BCAR3: variants seen among roughly 807,000 people sequenced by gnomAD.
BCAR3 encodes the protein BCAR3 adaptor protein, NSP family member, also known as breast cancer anti-estrogen resistance protein 3.
A neutral mutation model predicts 80.1 loss-of-function variants in BCAR3; 37 were observed. The ratio of observed to expected loss-of-function variants is 0.46; its 90% CI spans 0.36 to 0.61. The LOEUF is 0.61. Among genes scored for constraint, BCAR3 ranks in the 20% least tolerant of loss-of-function variants. The pLI is 0.00. For synonymous variants in BCAR3, 389 were observed against 418.9 expected (o/e 0.93, Z 0.87); for missense variants, 978 against 1,068.2 (o/e 0.92, Z 1.18).
intron 3 of BCAR3, among the ~76,000 whole-genome samples, chr1:93,640,690 G>C (rs1047589138): frequency 6.6e-6 from 1 of 152,228 alleles, no homozygotes; most frequent in Non-Finnish European, 1.5e-5. Context: ...ATTCATAAAT[G>C]AGATGCAATA....
intron 2 of BCAR3, among the ~76,000 whole-genome samples, chr1:93,749,779 A>G (rs562807838): frequency 1.3e-5 from 2 of 152,142 alleles, no homozygotes; most frequent in South Asian, 4.2e-4. Flanking sequence ...GAACACAAGT[A>G]TTACGTAAAG....
chr1:93,708,308 C>T (rs555486657), intron 2 of BCAR3, among the ~76,000 whole-genome samples: 4 of 152,312 alleles, frequency 2.6e-5, no homozygotes, highest in East Asian at 3.9e-4. Context: ...ACCTTGCCTC[C>T]GGCCTCTGGC....
intron 2 of BCAR3, among the ~76,000 whole-genome samples, chr1:93,797,742 T>C (rs1255026200): frequency 1.3e-5 from 2 of 152,170 alleles, no homozygotes; most frequent in African/African-American, 2.4e-5. Flanking sequence ...GGCCAGATTA[T>C]ACAAATTAAG....
intron 2 of BCAR3, among the ~76,000 whole-genome samples, chr1:93,660,357 T>G (rs1232846525): frequency 1.3e-5 from 2 of 152,146 alleles, no homozygotes; most frequent in Non-Finnish European, 2.9e-5. Context: ...AGTGATACTG[T>G]GAGAGGCTGG....
upstream of BCAR3, chr1:93,847,564 C>T (rs186401280): frequency 2.6e-5 from 4 of 152,530 alleles, no homozygotes; most frequent in East Asian, 1.9e-4. Flanking sequence ...CGCTGAGACT[C>T]CAACAGGTGG....
intron 3 of BCAR3, among the ~76,000 whole-genome samples, chr1:93,688,204 AG>A (rs1649041301): frequency 6.6e-6 from 1 of 152,212 alleles, no homozygotes. Context: ...TCATTGTCTG[AG>A]GACTATGGCT....
At chr1:93,661,547 G>A (rs1203421334) in intron 2 of BCAR3, among the ~76,000 whole-genome samples, 1 of 151,294 alleles carries the variant, frequency 6.6e-6, no homozygotes, top group Non-Finnish European at 1.5e-5. Flanking sequence ...GATTACAATG[G>A]TGCAATCTCC....
rs924960111 is a variant in BCAR3 at position 93,586,410 on chromosome 1, T to C, written c.930-2289A>G. Among the ~76,000 whole-genome samples the C allele has an allele frequency of 1.3e-5, 2 of 152,248 alleles. No individual in the cohort carries two copies. Among genetic ancestry groups the C allele is most frequent in the Admixed American group, 6.5e-5 (1 of 15,286 alleles). ...CATTGTTTTTATGGCTGAATAGTAC[T>C]CCACTGTGTATATACACATTTCCCT... On this transcript the variant is annotated intron_variant, in intron 5 of 11. Coordinates refer to ENST00000260502, the MANE Select transcript of BCAR3 (RefSeq NM_003567.4). The surrounding 1 kb of genome is among the most constrained non-coding windows in gnomAD (Gnocchi z 4.2).
At chr1:93,754,605 G>T (rs906734744) in intron 2 of BCAR3, among the ~76,000 whole-genome samples, 2 of 152,168 alleles carry the variant, frequency 1.3e-5, no homozygotes, top group Non-Finnish European at 2.9e-5. Flanking sequence ...AGATTATAAT[G>T]GAGCTGAAAA....
intron 2 of BCAR3, among the ~76,000 whole-genome samples, chr1:93,814,202 T>C (rs1180030036): frequency 2.0e-5 from 3 of 152,192 alleles, no homozygotes; most frequent in African/African-American, 7.2e-5. Context: ...ATTCTCAACA[T>C]TGCATCACTT....
At chr1:93,581,246 A>G (rs553831349) in intron 7 of BCAR3, among the ~76,000 whole-genome samples, 2 of 152,328 alleles carry the variant, frequency 1.3e-5, no homozygotes, top group East Asian at 3.9e-4. Context: ...CAGGGTTTGG[A>G]ATAGTGTGTA....
Position 93,599,718 on chromosome 1 carries a change from C to T in BCAR3, c.358-7325G>A, listed in dbSNP as rs561913223. The T allele has an allele frequency of 2.0e-5, 3 of 152,310 alleles. No homozygotes were observed. The East Asian group carries it at 5.8e-4, about 29-fold the overall frequency. 9.4% of individuals were successfully genotyped at this position (152,310 alleles called of 1,614,324 possible). On this transcript the variant is annotated intron_variant, in intron 3 of 11. Coordinates refer to ENST00000260502, the MANE Select transcript of BCAR3 (RefSeq NM_003567.4). ...GCCTGGTAGGGATATTTACTGGAAT[C>T]CGCATTAAAGCTCAGATGTCAATAT...
chr1:93,814,845 A>C (rs887317606), intron 2 of BCAR3, among the ~76,000 whole-genome samples: 11 of 152,168 alleles, frequency 7.2e-5, no homozygotes, highest in Non-Finnish European at 1.6e-4. Context: ...CGGGGCTTTC[A>C]CCTGAACTAA....
At chr1:93,644,899 T>C (rs554614214) in intron 2 of BCAR3, among the ~76,000 whole-genome samples, 134 of 152,356 alleles carry the variant, frequency 8.8e-4, no homozygotes, top group African/African-American at 3.2e-3. Context: ...AGGAAGTTGT[T>C]GTTTAAGAAT....
intron 2 of BCAR3, among the ~76,000 whole-genome samples, chr1:93,714,237 T>C (rs1405173361): frequency 6.6e-6 from 1 of 152,170 alleles, no homozygotes; most frequent in Admixed American, 6.5e-5. Context: ...CACCTCGGCC[T>C]CCCAAAGTGC....
chr1:93,680,685 A>G (rs993533355), intron 1 of BCAR3, among the ~76,000 whole-genome samples: 1 of 152,204 alleles, frequency 6.6e-6, no homozygotes, highest in African/African-American at 2.4e-5. Flanking sequence ...TAACAGCTTT[A>G]AGCGAAAACA....
Position 93,749,054 on chromosome 1 carries a change from G to A in BCAR3, c.-62-42912C>T, listed in dbSNP as rs1651452403. Among the ~76,000 whole-genome samples the A allele has an allele frequency of 2.0e-5, 3 of 151,858 alleles. No homozygotes were observed. The South Asian group carries it at 6.2e-4, about 32-fold the overall frequency. On this transcript the variant is annotated intron_variant, in intron 2 of 13. Transcript: ENST00000370244. Reference sequence around the variant, plus strand: ...ACAAGATGATCTGCATTAACTACAGGGCATTATATAGGTCTCAAAGCAATG... The same window carrying A: ...ACAAGATGATCTGCATTAACTACAGAGCATTATATAGGTCTCAAAGCAATG...
intron 2 of BCAR3, among the ~76,000 whole-genome samples, chr1:93,760,405 G>A (rs1246533635): frequency 1.3e-5 from 2 of 152,140 alleles, no homozygotes; most frequent in South Asian, 2.1e-4. Flanking sequence ...TGGGGAGCAG[G>A]AGGGTGTCTT....
intron 2 of BCAR3, among the ~76,000 whole-genome samples, chr1:93,668,690 A>C (rs1648038960): frequency 6.6e-6 from 1 of 151,914 alleles, no homozygotes; most frequent in African/African-American, 2.4e-5. Flanking sequence ...GAATCTATTA[A>C]TCTAATAAAA....
Sources: allele counts gnomAD v4.1 joint callset (sites outside exome capture counted in the v4.1 genomes callset), GRCh38; gene constraint gnomAD v4.1.1; non-coding constraint Gnocchi (gnomAD v3.1); transcripts MANE v1.5; gene names NCBI Gene and HGNC (gene_info 2026-07-23, HGNC 2026-07-21).